Variants in CSTF1 observed in about 807,000 individuals in gnomAD.
CSTF1 encodes the protein CF-1 50 kDa subunit.
CSTF1 carries 2 observed loss-of-function variants against 40.9 expected under a neutral mutation model. The observed-to-expected ratio is 0.05, with a 90% CI of 0.02 to 0.15. CSTF1 has a LOEUF of 0.15. Ranked by LOEUF, CSTF1 falls within the 10% of genes least tolerant of loss-of-function variation. CSTF1 has a pLI of 1.00. For missense variants in CSTF1, 279 were observed against 558.9 expected (o/e 0.50, Z 5.05); for synonymous variants, 218 against 207.2 (o/e 1.05, Z -0.45).
chr20:56,393,801 G>A (rs1355015945), intron 1 of CSTF1, among the ~76,000 whole-genome samples: 1 of 152,134 alleles, frequency 6.6e-6, no homozygotes, highest in South Asian at 2.1e-4. Context: ...ATCTTCCCTG[G>A]TTTATAAGGA....
At chr20:56,394,327 C>G (rs562099887) in intron 1 of CSTF1, among the ~76,000 whole-genome samples, 10 of 152,152 alleles carry the variant, frequency 6.6e-5, no homozygotes, top group Non-Finnish European at 1.3e-4. Context: ...GGCTCGCGCC[C>G]GTAATCCCAG....
In CSTF1 at chr20:56,403,793, G is replaced by T; in HGVS notation, c.*66G>T. On this transcript the variant is annotated 3_prime_UTR_variant, in exon 6 of 6. Transcript: ENST00000217109. ...TCCTCCCCCACGTCCTGTCTCAGCT[G>T]CAGTCGTAAGTCCGTGCACCATCCT... 1 of 1,508,678 alleles carries T rather than the reference G, an allele frequency of 6.6e-7. No homozygotes were observed. Among genetic ancestry groups the T allele is most frequent in the Non-Finnish European group, 9.1e-7 (1 of 1,104,736 alleles). 93.5% of individuals were successfully genotyped at this position (1,508,678 alleles called of 1,614,324 possible).
chr20:56,403,012 T>C (rs1466243044), intron 5 of CSTF1, among the ~76,000 whole-genome samples: 4 of 151,742 alleles, frequency 2.6e-5, no homozygotes, highest in African/African-American at 4.9e-5. Context: ...ACTTTGCATC[T>C]AGTAAAAAAC....
chr20:56,403,120 C>T (rs1242242430), intron 5 of CSTF1, among the ~76,000 whole-genome samples: 1 of 151,678 alleles, frequency 6.6e-6, no homozygotes, highest in Non-Finnish European at 1.5e-5. Flanking sequence ...TTTTTTTATG[C>T]CTCAAAGTAC....
rs752305246 is a variant in CSTF1 at position 56,397,400 on chromosome 20, G to A, written c.363G>A (p.Gln121=). Residue 121 remains glutamine (Q), a synonymous_variant, in exon 3 of 6, where the codon CAG becomes CAA. Coordinates refer to ENST00000217109, the MANE Select transcript of CSTF1 (RefSeq NM_001324.3). The surrounding 1 kb of genome is among the most constrained non-coding windows in gnomAD (Gnocchi z 4.4). ...CRVATYSRDG[Q]LIATGSADAS... ...TAGCTACCTATAGTAGAGATGGACAGTTAATAGCTACTGGGTCTGCTGATG... is the reference window on the plus strand; with the variant it reads ...TAGCTACCTATAGTAGAGATGGACAATTAATAGCTACTGGGTCTGCTGATG... The A allele has an allele frequency of 6.2e-6, 10 of 1,614,200 alleles. No homozygotes were observed. In the South Asian group the frequency reaches 6.6e-5, roughly 11 times the overall value.
intron 1 of CSTF1, among the ~76,000 whole-genome samples, chr20:56,393,350 A>G (rs1987374068): frequency 6.6e-6 from 1 of 151,998 alleles, no homozygotes; most frequent in Non-Finnish European, 1.5e-5. Context: ...GGTAAACAGG[A>G]TGTGCATGTA....
In CSTF1 at chr20:56,397,587, T is replaced by G; in HGVS notation, c.448-57T>G. On this transcript the variant is annotated intron_variant, in intron 3 of 5. Coordinates refer to ENST00000217109, the MANE Select transcript of CSTF1 (RefSeq NM_001324.3). This position sits in a 1 kb window ranked among gnomAD's most constrained non-coding sequence, Gnocchi z 4.4. Reference sequence around the variant, plus strand: ...GCTTTAGTTTGCTACAGTTGTGGATTGTGCACTTGGATTCAGACACATTCT... The same window carrying G: ...GCTTTAGTTTGCTACAGTTGTGGATGGTGCACTTGGATTCAGACACATTCT... 1 of 1,602,244 alleles carries G rather than the reference T, an allele frequency of 6.2e-7. No individual in the cohort carries two copies. The highest frequency in any genetic ancestry group is 8.5e-7 in the Non-Finnish European group (1 of 1,169,852).
chr20:56,393,407 A>G (rs1987378208), intron 1 of CSTF1, among the ~76,000 whole-genome samples: 1 of 152,078 alleles, frequency 6.6e-6, no homozygotes, highest in African/African-American at 2.4e-5. Flanking sequence ...TATTAACCCA[A>G]CGTTAACAGT....
Position 56,393,159 on chromosome 20 carries a change from T to TAC in CSTF1, c.-33+454_-33+455dup, listed in dbSNP as rs67972968. Among the ~76,000 whole-genome samples the TAC allele has an allele frequency of 3.9e-3, 492 of 126,016 alleles. 7 individuals are homozygous for TAC. The highest frequency in any genetic ancestry group is 0.014 in the African/African-American group (449 of 31,818). The allele number at this position is 126,016 out of a possible 152,430, so 82.7% of individuals were successfully genotyped here. A position where few individuals can be genotyped will look rare whatever the true frequency, so the allele number is the denominator to read the frequency against. On this transcript the variant is annotated intron_variant, in intron 1 of 5. Coordinates refer to ENST00000217109, the MANE Select transcript of CSTF1 (RefSeq NM_001324.3). ...ACACACACACACATATACATATATA[T>TAC]ACACACACATATGTGTGTGTGTGTG...
In CSTF1 at chr20:56,403,771, TC is replaced by T; in HGVS notation, c.*49del. The T allele has an allele frequency of 6.4e-7, 1 of 1,561,056 alleles. No homozygotes were observed. ...TTCTTTCTCGAGGACTCTACCCTCC[TC>T]CCCCACGTCCTGTCTCAGCTGCAGT... On this transcript the variant is annotated 3_prime_UTR_variant, in exon 6 of 6. Transcript: ENST00000217109.
chr20:56,397,132 G>A lies in CSTF1; in HGVS notation c.170-75G>A. The A allele has an allele frequency of 8.0e-6, 12 of 1,493,064 alleles. No homozygotes were observed. Among genetic ancestry groups the A allele is most frequent in the Non-Finnish European group, 1.1e-5 (12 of 1,098,740 alleles). The allele number at this position is 1,493,064 out of a possible 1,614,324, so 92.5% of individuals were successfully genotyped here. A position where few individuals can be genotyped will look rare whatever the true frequency, so the allele number is the denominator to read the frequency against. ...CACTGGTGAGCATCTTTCCAGTTTGGATCTAGAATTTTATCTTGGCCTTTT... is the reference window on the plus strand; with the variant it reads ...CACTGGTGAGCATCTTTCCAGTTTGAATCTAGAATTTTATCTTGGCCTTTT... On this transcript the variant is annotated intron_variant, in intron 2 of 5. Coordinates refer to ENST00000217109, the MANE Select transcript of CSTF1 (RefSeq NM_001324.3). The surrounding 1 kb of genome is among the most constrained non-coding windows in gnomAD (Gnocchi z 4.4).
At chr20:56,400,457 A>G (rs909561670) in intron 5 of CSTF1, among the ~76,000 whole-genome samples, 15 of 152,214 alleles carry the variant, frequency 9.9e-5, no homozygotes, top group African/African-American at 3.6e-4. Context: ...TAAATGTGAA[A>G]GTACTCCCCC....
At position 56,404,811 on chromosome 20, in the gene CSTF1, A is replaced by AGTTTTTTT; in HGVS notation, c.*1084_*1085insGTTTTTTT. 1 of 47,944 alleles carries AGTTTTTTT rather than the reference A, an allele frequency of 2.1e-5. No homozygotes were observed. The highest frequency in any genetic ancestry group is 1.5e-4 in the African/African-American group (1 of 6,852). The allele number at this position is 47,944 out of a possible 1,614,324, so 3.0% of individuals were successfully genotyped here. On this transcript the variant is annotated 3_prime_UTR_variant, in exon 6 of 6. Coordinates refer to ENST00000217109, the MANE Select transcript of CSTF1 (RefSeq NM_001324.3). ...CAGGCACCCACCACCACGCCCGGCT[A>AGTTTTTTT]ATTTTTTTTTTTTTTTTTTTTTTTT...
At position 56,393,131 on chromosome 20, in the gene CSTF1, T is replaced by TATACAC. The variant is rs1555858061; in HGVS notation, c.-33+419_-33+420insTACACA. 2.5e-3 allele frequency among the ~76,000 whole-genome samples: 335 copies of TATACAC among 135,886 alleles called. 4 individuals carry two copies. The highest frequency in any genetic ancestry group is 9.0e-3 in the African/African-American group (314 of 34,792). 89.1% of individuals were successfully genotyped at this position (135,886 alleles called of 152,430 possible). A position where few individuals can be genotyped will look rare whatever the true frequency, so the allele number is the denominator to read the frequency against. On this transcript the variant is annotated intron_variant, in intron 1 of 5. Coordinates refer to ENST00000217109, the MANE Select transcript of CSTF1 (RefSeq NM_001324.3). ...GGGCCACTTAAAATATATATATATA[T>TATACAC]ACACACACACACACATATACATATA...
At chr20:56,393,473 T>C (rs1178987754) in intron 1 of CSTF1, among the ~76,000 whole-genome samples, 1 of 152,086 alleles carries the variant, frequency 6.6e-6, no homozygotes, top group East Asian at 1.9e-4. Context: ...TTTCATTCTT[T>C]ATTGGTACTT....
At chr20:56,394,778 T>C (rs1464390134) in intron 1 of CSTF1, among the ~76,000 whole-genome samples, 1 of 152,216 alleles carries the variant, frequency 6.6e-6, no homozygotes, top group Non-Finnish European at 1.5e-5. Flanking sequence ...GTTTTTTGTC[T>C]CTTAAGACTG....
intron 5 of CSTF1, among the ~76,000 whole-genome samples, chr20:56,402,712 G>A (rs1172834996): frequency 6.6e-6 from 1 of 152,116 alleles, no homozygotes; most frequent in Non-Finnish European, 1.5e-5. Flanking sequence ...CGAAGCAGGT[G>A]GATCACAAGG....
chr20:56,394,712 A>G (rs898519720), intron 1 of CSTF1, among the ~76,000 whole-genome samples: 3 of 152,256 alleles, frequency 2.0e-5, no homozygotes, highest in Non-Finnish European at 4.4e-5. Flanking sequence ...TTGGTAAGCA[A>G]ATTATCATGT....
chr20:56,403,694 G>C lies in CSTF1; in HGVS notation c.1263G>C (p.Ala421=). Residue 421 remains alanine (A), a synonymous_variant, in exon 6 of 6, where the codon GCG becomes GCC. Coordinates refer to ENST00000217109, the MANE Select transcript of CSTF1 (RefSeq NM_001324.3). ...TGACGTGCAGCGATGACTTCAGAGC[G>C]CGGTTTTGGTACCGGAGATCGACCA... is the stretch of plus-strand genomic sequence containing the variant. The part of the protein sequence containing the change: ...GFMTCSDDFR[A]RFWYRRSTTD 6.2e-7 allele frequency: 1 copy of C among 1,613,652 alleles called. No individual in the cohort carries two copies. Among genetic ancestry groups the C allele is most frequent in the Non-Finnish European group, 8.5e-7 (1 of 1,179,662 alleles).
Sources: allele counts gnomAD v4.1 joint callset (sites outside exome capture counted in the v4.1 genomes callset), GRCh38; gene constraint gnomAD v4.1.1; non-coding constraint Gnocchi (gnomAD v3.1); transcripts MANE v1.5; gene names NCBI Gene and HGNC (gene_info 2026-07-23, HGNC 2026-07-21).